MYO16: variants seen among roughly 807,000 people sequenced by gnomAD.
MYO16 encodes the protein myosin XVI.
MYO16 carries 94 observed loss-of-function variants against 205.3 expected under a neutral mutation model. The ratio of observed to expected loss-of-function variants is 0.46; its 90% CI spans 0.39 to 0.54. MYO16 has a LOEUF of 0.54. Among genes scored for constraint, MYO16 ranks in the 20% least tolerant of loss-of-function variants. The pLI is 0.00. For missense variants in MYO16, 2,315 were observed against 2,387.5 expected, an observed-to-expected ratio of 0.97 and a Z score of 0.63; for synonymous variants, 988 against 954.0, an observed-to-expected ratio of 1.04 and a Z score of -0.66.
chr13:109,197,613 C>T (rs1417718371), intron 34 of MYO16, among the ~76,000 whole-genome samples: 3 of 152,108 alleles, frequency 2.0e-5, no homozygotes. Context: ...TACCCACATG[C>T]AATAGATCAA....
rs16973131 is a variant in MYO16 at position 108,790,033 on chromosome 13, C to T, written c.617-3483C>T. The stretch of plus-strand genomic sequence containing the variant: ...GCTGGGTTACCCTAGGGAAACCAAC[C>T]GTGGTGGTCTGACCCAGGCATAGGG... On this transcript the variant is annotated intron_variant, in intron 5 of 34. Coordinates refer to ENST00000457511, the MANE Select transcript of MYO16 (RefSeq NM_001198950.3). Among the ~76,000 whole-genome samples the T allele has an allele frequency of 2.3e-3, 343 of 152,192 alleles. 1 individual carries two copies. The highest frequency in any genetic ancestry group is 7.9e-3 in the African/African-American group (326 of 41,494).
chr13:108,851,024 G>T lies in MYO16; in HGVS notation c.1249-4419G>T, dbSNP rs115817065. On this transcript the variant is annotated intron_variant, in intron 10 of 34. Coordinates refer to ENST00000457511, the MANE Select transcript of MYO16 (RefSeq NM_001198950.3). Reference sequence around the variant, plus strand: ...CATGTTTTTGCTAAATGTGCACACAGAAATTTGCATTGAAATTGTTAGCAT... The same window carrying T: ...CATGTTTTTGCTAAATGTGCACACATAAATTTGCATTGAAATTGTTAGCAT... Among the ~76,000 whole-genome samples, 321 of 152,278 alleles carry T rather than the reference G, an allele frequency of 2.1e-3. 2 individuals are homozygous for T. The highest frequency in any genetic ancestry group is 7.3e-3 in the African/African-American group (304 of 41,558).
In MYO16 at chr13:108,781,035, A is replaced by T. The variant is rs140439932; in HGVS notation, c.508-4600A>T. ...CAGACAATATTCTTTCTAAGTGTAC[A>T]TCTCTTTCAATGCCAAGTTCCTTTT... On this transcript the variant is annotated intron_variant, in intron 4 of 34. Transcript: ENST00000457511. 5.3e-5 allele frequency among the ~76,000 whole-genome samples: 8 copies of T among 152,344 alleles called. No individual in the cohort carries two copies. The East Asian group carries it at 1.5e-3, about 29-fold the overall frequency.
intron 32 of MYO16, among the ~76,000 whole-genome samples, chr13:109,146,163 A>AT (rs969714378): frequency 1.3e-5 from 2 of 152,312 alleles, no homozygotes; most frequent in Admixed American, 6.5e-5. Flanking sequence ...CTCTTGTGGC[A>AT]TTTTTACTTA....
intron 4 of MYO16, among the ~76,000 whole-genome samples, chr13:108,764,200 T>C (rs961388227): frequency 2.0e-5 from 3 of 152,202 alleles, no homozygotes; most frequent in Non-Finnish European, 4.4e-5. Flanking sequence ...TACATTTTAC[T>C]GTGTGAAACA....
intron 6 of MYO16, among the ~76,000 whole-genome samples, chr13:108,798,062 A>G (rs1462037357): frequency 1.6e-5 from 2 of 126,172 alleles, no homozygotes; most frequent in African/African-American, 6.1e-5. Context: ...AATGAACAAA[A>G]GGCTAGGATG....
chr13:109,055,246 T>TACACACACACACAC lies in MYO16; in HGVS notation c.3130-128_3130-115dup, dbSNP rs10557146. ...AATATCTTCACAAAAAAAGTAAACA[T>TACACACACACACAC]ACACACACACACACACACACACACA... On this transcript the variant is annotated intron_variant, in intron 26 of 34. Transcript: ENST00000457511. The surrounding 1 kb of genome is among the most constrained non-coding windows in gnomAD (Gnocchi z 5.0). 24 of 658,678 alleles carry TACACACACACACAC rather than the reference T, an allele frequency of 3.6e-5. No homozygotes were observed. In the East Asian group the frequency reaches 6.6e-4, roughly 18 times the overall value. The allele number at this position is 658,678 out of a possible 1,614,324, so 40.8% of individuals were successfully genotyped here.
At chr13:108,688,651 T>G (rs1056612263) in intron 2 of MYO16, among the ~76,000 whole-genome samples, 1 of 152,162 alleles carries the variant, frequency 6.6e-6, no homozygotes, top group African/African-American at 2.4e-5. Context: ...AGGCGTTAAT[T>G]TAGGCAGAAA....
the MYO16 span, among the ~76,000 whole-genome samples, chr13:108,533,939 A>G: frequency 2.0e-5 from 3 of 152,106 alleles, no homozygotes; most frequent in African/African-American, 7.2e-5. Flanking sequence ...ATTTTATATC[A>G]CCTTCCTCTG....
chr13:108,734,525 T>C (rs1340908380), intron 4 of MYO16, among the ~76,000 whole-genome samples: 1 of 152,158 alleles, frequency 6.6e-6, no homozygotes, highest in Non-Finnish European at 1.5e-5. Flanking sequence ...TTTTTACTAG[T>C]AGGCAACAAA....
chr13:108,536,880 A>G, the MYO16 span, among the ~76,000 whole-genome samples: 2 of 152,130 alleles, frequency 1.3e-5, no homozygotes, highest in African/African-American at 4.8e-5. Context: ...CAGGATACCA[A>G]ATAAATCCAA....
At position 109,115,640 on chromosome 13, in the gene MYO16, T is replaced by C. The variant is rs546467375; in HGVS notation, c.3439-4730T>C. On this transcript the variant is annotated intron_variant, in intron 28 of 34. Coordinates refer to ENST00000457511, the MANE Select transcript of MYO16 (RefSeq NM_001198950.3). The stretch of plus-strand genomic sequence containing the variant: ...GAATCTTAATTTATTGGATTTGATA[T>C]AACACTGTAAGACTGATTATACAGT... Among the ~76,000 whole-genome samples the C allele has an allele frequency of 9.2e-5, 14 of 152,280 alleles. No homozygotes were observed. The South Asian group carries it at 2.9e-3, about 32-fold the overall frequency.
At chr13:108,794,043 T>C (rs1465289719) in intron 6 of MYO16, among the ~76,000 whole-genome samples, 1 of 152,168 alleles carries the variant, frequency 6.6e-6, no homozygotes, top group African/African-American at 2.4e-5. Flanking sequence ...TGGATGCAGC[T>C]GAAGGCCATT....
chr13:108,695,378 G>A (rs1454501746), intron 2 of MYO16, among the ~76,000 whole-genome samples: 1 of 152,040 alleles, frequency 6.6e-6, no homozygotes, highest in African/African-American at 2.4e-5. Flanking sequence ...CATTTCATTG[G>A]TCTATAGGTT....
chr13:108,608,087 C>T (rs923795650), intron 1 of MYO16, among the ~76,000 whole-genome samples: 4 of 152,172 alleles, frequency 2.6e-5, no homozygotes, highest in African/African-American at 4.8e-5. Flanking sequence ...TTCTAACGAT[C>T]GATAATTATC....
intron 32 of MYO16, among the ~76,000 whole-genome samples, 157 bp from the exon 33 acceptor site, chr13:109,164,744 G>A (rs764893073): frequency 6.6e-6 from 1 of 152,040 alleles, no homozygotes; most frequent in Non-Finnish European, 1.5e-5. Flanking sequence ...AAAATTTGGT[G>A]AATATTATAT....
intron 1 of MYO16, among the ~76,000 whole-genome samples, chr13:108,649,187 C>T (rs1382533078): frequency 6.6e-6 from 1 of 151,844 alleles, no homozygotes; most frequent in Non-Finnish European, 1.5e-5. Context: ...AACTAACCTG[C>T]ACGTTGTGCA....
intron 34 of MYO16, among the ~76,000 whole-genome samples, chr13:109,186,856 G>A (rs898469204): frequency 6.6e-6 from 1 of 152,070 alleles, no homozygotes; most frequent in Non-Finnish European, 1.5e-5. Context: ...ACTTACAACT[G>A]GGGGAAACAA....
intron 31 of MYO16, among the ~76,000 whole-genome samples, chr13:109,128,236 C>CT (rs1471167751): frequency 6.6e-6 from 1 of 152,214 alleles, no homozygotes; most frequent in African/African-American, 2.4e-5. Context: ...CTAGGCATGT[C>CT]TGTCTCTTTC....
Sources: allele counts gnomAD v4.1 joint callset (sites outside exome capture counted in the v4.1 genomes callset), GRCh38; gene constraint gnomAD v4.1.1; non-coding constraint Gnocchi (gnomAD v3.1); transcripts MANE v1.5; gene names NCBI Gene and HGNC (gene_info 2026-07-23, HGNC 2026-07-21).